Variants in RNF14 observed in about 807,000 individuals in gnomAD.
RNF14 encodes E3 ubiquitin-protein ligase RNF14.
In RNF14, 26 loss-of-function variants were observed where a neutral mutation model predicts 52.6. The observed-to-expected ratio is 0.49, with a 90% CI of 0.36 to 0.69. The LOEUF (loss-of-function observed/expected upper bound fraction) is 0.69, where lower values mean the gene tolerates loss of function less well. Ranked by LOEUF, RNF14 falls within the 30% of genes least tolerant of loss-of-function variation. The pLI is 0.00. For synonymous variants in RNF14, 194 were observed against 202.0 expected (o/e 0.96, Z 0.34); for missense variants, 404 against 560.4 (o/e 0.72, Z 2.82).
At position 141,989,028 on chromosome 5, in the gene RNF14, C is replaced by T. The variant is rs1027143459; in HGVS notation, c.*1238C>T. ...GAAAAATTGAACTACAGCTTGAGAA[C>T]GTATTCTTTTTTTCCTACTTTGTTA... On this transcript the variant is annotated 3_prime_UTR_variant, in exon 9 of 9. Transcript: ENST00000394520. The T allele has an allele frequency of 3.3e-5, 5 of 152,290 alleles. No individual in the cohort carries two copies. Among genetic ancestry groups the T allele is most frequent in the Admixed American group, 6.5e-5 (1 of 15,274 alleles). The allele number at this position is 152,290 out of a possible 1,614,324, so 9.4% of individuals were successfully genotyped here.
chr5:141,978,638 T>C lies in RNF14; in HGVS notation c.642T>C (p.Asn214=). The change falls in exon 5 of 9, where the codon AAT becomes AAC. Residue 214 remains asparagine (N), a synonymous_variant. Coordinates refer to ENST00000394520, the MANE Select transcript of RNF14 (RefSeq NM_004290.5). ...AAGCTCAGCAGATAAAATGCTTTAATAGTAAATTGTTCCTGTGCAGTATCT... is the reference window on the plus strand; with the variant it reads ...AAGCTCAGCAGATAAAATGCTTTAACAGTAAATTGTTCCTGTGCAGTATCT... ...FDQAQQIKCF[N]SKLFLCSICF... is the part of the protein sequence containing the mutation. 6.2e-7 allele frequency: 1 copy of C among 1,614,028 alleles called. No individual in the cohort carries two copies. Among genetic ancestry groups the C allele is most frequent in the Non-Finnish European group, 8.5e-7 (1 of 1,179,884 alleles).
upstream of RNF14, chr5:141,955,656 G>C (rs780378867): frequency 1.3e-5 from 21 of 1,614,130 alleles, no homozygotes; most frequent in Non-Finnish European, 1.7e-5. This position sits in a 1 kb window ranked among gnomAD's most constrained non-coding sequence, Gnocchi z 5.5. Context: ...ACAAAGCCAG[G>C]ATCAACCCGA....
At position 141,978,655 on chromosome 5, in the gene RNF14, G is replaced by A; in HGVS notation, c.659G>A (p.Cys220Tyr). The A allele has an allele frequency of 6.2e-7, 1 of 1,613,980 alleles. No homozygotes were observed. Among genetic ancestry groups the A allele is most frequent in the Non-Finnish European group, 8.5e-7 (1 of 1,179,864 alleles). ...TGCTTTAATAGTAAATTGTTCCTGT[G>A]CAGTATCTGTTTCTGTGAGAAGCTG... ...IKCFNSKLFL[C>Y]SICFCEKLGS... is the part of the protein sequence containing the mutation. Residue 220 changes from cysteine to tyrosine, a missense_variant, in exon 5 of 9, where the codon TGC becomes TAC. By Grantham distance (194) the Cys-to-Tyr change is radical. Transcript: ENST00000394520.
upstream of RNF14, chr5:141,956,621 T>C (rs1288732740): frequency 1.2e-6 from 2 of 1,614,152 alleles, no homozygotes; most frequent in Admixed American, 1.7e-5. Context: ...GTTAGCAACA[T>C]GTATGTGTTG....
At chr5:141,955,307 G>A (rs1363814462), upstream of RNF14, 1 of 1,614,098 alleles carries the variant, frequency 6.2e-7, no homozygotes, top group African/African-American at 1.3e-5. The surrounding 1 kb of genome is among the most constrained non-coding windows in gnomAD (Gnocchi z 5.5). Flanking sequence ...TGGTTGAAAA[G>A]GAGGTTGACC....
At chr5:141,958,044 G>A (rs975812970), upstream of RNF14, 5 of 636,794 alleles carry the variant, frequency 7.9e-6, no homozygotes, top group East Asian at 2.8e-5. Flanking sequence ...CATTGGAAGC[G>A]ATCTGAGATG....
At chr5:141,984,248 C>A (rs1194216959) in intron 7 of RNF14, among the ~76,000 whole-genome samples, 1 of 152,102 alleles carries the variant, frequency 6.6e-6, no homozygotes, top group East Asian at 1.9e-4. Flanking sequence ...CAGGCGCCAG[C>A]CACCACACCT....
At position 141,984,723 on chromosome 5, in the gene RNF14, T is replaced by C; in HGVS notation, c.1237-80T>C. ...AAAAGGGAGAGGACCAAGACAATGTTGTACTGAATCATTTTGGCATGTGCT... is the reference window on the plus strand; with the variant it reads ...AAAAGGGAGAGGACCAAGACAATGTCGTACTGAATCATTTTGGCATGTGCT... On this transcript the variant is annotated intron_variant, in intron 7 of 8. Transcript: ENST00000394520. The C allele has an allele frequency of 3.0e-6, 4 of 1,337,728 alleles. No homozygotes were observed. In the South Asian group the frequency reaches 4.9e-5, roughly 16 times the overall value. 82.9% of individuals were successfully genotyped at this position (1,337,728 alleles called of 1,614,324 possible). A position where few individuals can be genotyped will look rare whatever the true frequency, so the allele number is the denominator to read the frequency against.
rs1046048604 is a variant in RNF14 at position 141,970,704 on chromosome 5, A to G, written c.-180A>G. The stretch of plus-strand genomic sequence containing the variant: ...CATCTTTTGTATTTCTTTTCTGCAG[A>G]TGGCAGGATTTTCATAATATATGTA... On this transcript the variant is annotated splice_region_variant and 5_prime_UTR_variant, in exon 2 of 9. It removes an upstream start codon present in the reference 5' UTR. Coordinates refer to ENST00000394520, the MANE Select transcript of RNF14 (RefSeq NM_004290.5). 2.0e-5 allele frequency: 3 copies of G among 152,348 alleles called. No homozygotes were observed. Among genetic ancestry groups the G allele is most frequent in the African/African-American group, 4.8e-5 (2 of 41,452 alleles). The allele number at this position is 152,348 out of a possible 1,614,324, so 9.4% of individuals were successfully genotyped here. A position where few individuals can be genotyped will look rare whatever the true frequency, so the allele number is the denominator to read the frequency against.
intron 1 of RNF14, chr5:141,958,711 G>C (rs982084557): frequency 6.6e-6 from 1 of 152,274 alleles, no homozygotes; most frequent in African/African-American, 2.4e-5. Context: ...CTTACCAGCG[G>C]TGTCATCTGG....
chr5:141,972,080 T>C (rs1412043258), intron 2 of RNF14, among the ~76,000 whole-genome samples: 4 of 152,214 alleles, frequency 2.6e-5, no homozygotes, highest in Non-Finnish European at 5.9e-5. Flanking sequence ...AAATCTATTA[T>C]TTCAAAAATT....
At chr5:141,949,689 A>G in the RNF14 span, 1 of 1,380,104 alleles carries the variant, frequency 7.2e-7, no homozygotes. Context: ...GGAACTGGAT[A>G]CACAGCCTGG....
upstream of RNF14, among the ~76,000 whole-genome samples, chr5:141,954,367 G>A (rs142756093): frequency 0.01 from 1,577 of 152,326 alleles, 14 homozygotes; most frequent in Non-Finnish European, 0.014. Flanking sequence ...ATGAAGGCAG[G>A]CAAATAGTGG....
intron 8 of RNF14, among the ~76,000 whole-genome samples, chr5:141,987,253 G>A (rs924186929): frequency 5.3e-5 from 8 of 152,156 alleles, no homozygotes; most frequent in African/African-American, 1.9e-4. Flanking sequence ...GGTTTCTCTG[G>A]GGTTCCCTTG....
intron 5 of RNF14, 76 bp from the exon 6 acceptor site, chr5:141,980,047 G>C (rs1035281917): frequency 4.3e-6 from 5 of 1,157,336 alleles, no homozygotes; most frequent in Non-Finnish European, 6.5e-6. Context: ...GTTTACACTA[G>C]CATCCTAAGA....
chr5:141,972,968 T>G (rs748822867), intron 2 of RNF14, among the ~76,000 whole-genome samples: 1 of 152,192 alleles, frequency 6.6e-6, no homozygotes, highest in Non-Finnish European at 1.5e-5. Context: ...AGTGGACAAG[T>G]CAAAGTAAAT....
chr5:141,981,767 C>T (rs1754801971), intron 6 of RNF14: 1 of 151,424 alleles, frequency 6.6e-6, no homozygotes, highest in African/African-American at 2.4e-5. Flanking sequence ...GCGGGAGGAT[C>T]GCTTGAAACT....
upstream of RNF14, chr5:141,955,852 A>C: frequency 6.2e-7 from 1 of 1,614,066 alleles, no homozygotes; most frequent in African/African-American, 1.3e-5. The surrounding 1 kb of genome is among the most constrained non-coding windows in gnomAD (Gnocchi z 5.5). Context: ...CTCACTCCCA[A>C]TGAGGCTGCT....
At chr5:141,975,033 A>T in intron 4 of RNF14, 78 bp downstream of exon 4, 1 of 1,469,462 alleles carries the variant, frequency 6.8e-7, no homozygotes, top group Non-Finnish European at 9.3e-7. Context: ...TATCTTAAAG[A>T]TCTTGAATTC....
Sources: allele counts gnomAD v4.1 joint callset (sites outside exome capture counted in the v4.1 genomes callset), GRCh38; gene constraint gnomAD v4.1.1; non-coding constraint Gnocchi (gnomAD v3.1); transcripts MANE v1.5; gene names NCBI Gene and HGNC (gene_info 2026-07-23, HGNC 2026-07-21).